Variants in GARNL3 observed in about 807,000 individuals in gnomAD.
GARNL3 encodes the protein GTPase activating Rap/RanGAP domain like 3, also known as GTPase-activating Rap/Ran-GAP domain-like protein 3.
Under a neutral mutation model 125.0 loss-of-function variants are expected in GARNL3, and 63 were observed. That is an observed-to-expected ratio of 0.50 (90% CI 0.41 to 0.62). GARNL3 has a LOEUF of 0.62. Among genes scored for constraint, GARNL3 ranks in the 20% least tolerant of loss-of-function variants. GARNL3 has a pLI of 0.00. For missense variants in GARNL3, 994 were observed against 1,244.0 expected, an observed-to-expected ratio of 0.80 and a Z score of 3.02; for synonymous variants, 439 against 457.5, an observed-to-expected ratio of 0.96 and a Z score of 0.52.
At chr9:127,234,417 C>CA (rs1418933240) in intron 1 of GARNL3, among the ~76,000 whole-genome samples, 4 of 152,156 alleles carry the variant, frequency 2.6e-5, no homozygotes, top group Admixed American at 6.5e-5. Context: ...CAGTGAGACT[C>CA]ACGGCTGGTT....
At chr9:127,232,068 A>G (rs2063028586) in intron 1 of GARNL3, among the ~76,000 whole-genome samples, 1 of 152,188 alleles carries the variant, frequency 6.6e-6, no homozygotes, top group Non-Finnish European at 1.5e-5. Flanking sequence ...CCACTTCATA[A>G]AGCAAGCCTT....
At chr9:127,323,812 AAATT>A (rs918215886) in intron 6 of GARNL3, among the ~76,000 whole-genome samples, 1 of 152,188 alleles carries the variant, frequency 6.6e-6, no homozygotes, top group Non-Finnish European at 1.5e-5. Context: ...AAAAATAAAA[AAATT>A]AATAAAAACC....
chr9:127,349,765 T>A (rs192820803), intron 17 of GARNL3, among the ~76,000 whole-genome samples: 3 of 152,324 alleles, frequency 2.0e-5, no homozygotes, highest in East Asian at 1.9e-4. Context: ...GGTTGTCTCC[T>A]GGGCTTCAGA....
At chr9:127,262,085 A>G (rs1376970194), upstream of GARNL3, among the ~76,000 whole-genome samples, 1 of 152,100 alleles carries the variant, frequency 6.6e-6, no homozygotes, top group Non-Finnish European at 1.5e-5. Flanking sequence ...ATAGATTTCT[A>G]TCTTTCCAGC....
At chr9:127,245,681 T>C (rs1182017291) in intron 2 of GARNL3, among the ~76,000 whole-genome samples, 2 of 152,244 alleles carry the variant, frequency 1.3e-5, no homozygotes, top group East Asian at 1.9e-4. Context: ...CAAATATTTA[T>C]TGATCACCTG....
intron 1 of GARNL3, among the ~76,000 whole-genome samples, chr9:127,225,837 C>T (rs1336673892): frequency 1.3e-5 from 2 of 151,260 alleles, no homozygotes; most frequent in East Asian, 3.9e-4. Context: ...GCCCCTCGCG[C>T]CCCTTGCGCC....
At chr9:127,335,859 A>G (rs533019688) in intron 10 of GARNL3, among the ~76,000 whole-genome samples, 1 of 152,038 alleles carries the variant, frequency 6.6e-6, no homozygotes, top group Non-Finnish European at 1.5e-5. Context: ...GAGTATCTAC[A>G]TGGGATGTAC....
At chr9:127,262,194 C>A (rs934748518), upstream of GARNL3, among the ~76,000 whole-genome samples, 1 of 152,320 alleles carries the variant, frequency 6.6e-6, no homozygotes, top group African/African-American at 2.4e-5. Flanking sequence ...TGTATTAGTT[C>A]AGGTAAAACA....
At chr9:127,357,400 A>G in intron 21 of GARNL3, 23 bp downstream of exon 21, 1 of 1,610,700 alleles carries the variant, frequency 6.2e-7, no homozygotes, top group Non-Finnish European at 8.5e-7. Context: ...TTGTGGGGAC[A>G]AGTGAGAATC....
rs767451608 is a variant in GARNL3 at position 127,393,078 on chromosome 9, T to C, written c.2871-5T>C. The C allele has an allele frequency of 6.9e-6, 11 of 1,590,890 alleles. No homozygotes were observed. In the East Asian group the frequency reaches 1.8e-4, roughly 26 times the overall value. ...GATCCTCTTACAGTGACTTTTCTCT[T>C]CTAGGATCCCATCAGGCTCCTTGGA... On this transcript the variant is annotated splice_polypyrimidine_tract_variant and splice_region_variant and intron_variant, in intron 27 of 27. Transcript: ENST00000373387.
At chr9:127,289,647 T>C (rs1414786208) in intron 1 of GARNL3, among the ~76,000 whole-genome samples, 1 of 152,200 alleles carries the variant, frequency 6.6e-6, no homozygotes, top group African/African-American at 2.4e-5. Context: ...GTAGAGCTGA[T>C]ACTGTGTGAC....
At chr9:127,306,681 C>T (rs556041657) in intron 2 of GARNL3, among the ~76,000 whole-genome samples, 9 of 150,962 alleles carry the variant, frequency 6.0e-5, no homozygotes, top group Non-Finnish European at 1.3e-4. Context: ...GAGTCTAGAT[C>T]GCGCCACTCT....
At chr9:127,265,320 AT>A (rs2063681416) in intron 1 of GARNL3, among the ~76,000 whole-genome samples, 1 of 152,166 alleles carries the variant, frequency 6.6e-6, no homozygotes, top group Non-Finnish European at 1.5e-5. Flanking sequence ...GAAAGGTGGC[AT>A]TTGGCTTATA....
intron 7 of GARNL3, among the ~76,000 whole-genome samples, chr9:127,331,720 C>CTTGCTTTTTTTT (rs367597623): frequency 1.3e-5 from 1 of 74,418 alleles, no homozygotes; most frequent in African/African-American, 4.8e-5. Flanking sequence ...CTTGGGCTTG[C>CTTGCTTTTTTTT]TTTTTTTTTT....
chr9:127,356,609 T>C (rs941891486), intron 20 of GARNL3: 1 of 152,258 alleles, frequency 6.6e-6, no homozygotes, highest in Admixed American at 6.5e-5. Flanking sequence ...TTAAAACACG[T>C]TAAAATCTTG....
intron 22 of GARNL3, among the ~76,000 whole-genome samples, chr9:127,382,291 C>T (rs1177260573): frequency 6.6e-6 from 1 of 152,048 alleles, no homozygotes; most frequent in Non-Finnish European, 1.5e-5. Context: ...CAGAGCAAGA[C>T]TCCGTCTCAA....
chr9:127,319,668 A>G (rs541822781), intron 5 of GARNL3, among the ~76,000 whole-genome samples: 2 of 152,316 alleles, frequency 1.3e-5, no homozygotes, highest in South Asian at 4.1e-4. Flanking sequence ...TTTGCTGAGC[A>G]CAGAAATATC....
intron 2 of GARNL3, among the ~76,000 whole-genome samples, chr9:127,294,077 A>G (rs1319171392): frequency 6.6e-6 from 1 of 152,022 alleles, no homozygotes; most frequent in African/African-American, 2.4e-5. Context: ...ATCCTAGCAT[A>G]ATGTGGGGCA....
At chr9:127,391,216 C>T (rs916415829) in intron 27 of GARNL3, among the ~76,000 whole-genome samples, 20 of 151,254 alleles carry the variant, frequency 1.3e-4, no homozygotes, top group South Asian at 2.1e-4. Flanking sequence ...ACATGAGAGG[C>T]GGAGGCTGCA....
Sources: gnomAD v4.1 joint callset for allele counts (sites outside exome capture counted in the v4.1 genomes callset) on GRCh38, gnomAD v4.1.1 for gene constraint, MANE v1.5 for transcripts, NCBI Gene and HGNC (gene_info 2026-07-23, HGNC 2026-07-21) for gene names.